Variants in EIF2B3 observed in about 807,000 individuals in gnomAD.
EIF2B3 encodes the protein translation initiation factor eIF2B subunit gamma.
Under a neutral mutation model 54.1 loss-of-function variants are expected in EIF2B3, and 20 were observed. The observed-to-expected ratio is 0.37, with a 90% CI of 0.26 to 0.54. The LOEUF is 0.54. EIF2B3 is among the 20% of genes least tolerant of loss of function. The probability of loss-of-function intolerance (pLI) is 0.86; values close to 1 mark genes in which losing one functional copy is unlikely to be tolerated. For missense variants in EIF2B3, 448 were observed against 547.8 expected (o/e 0.82, Z 1.82); for synonymous variants, 153 against 188.1 (o/e 0.81, Z 1.52).
chr1:44,947,698 C>T (rs1440200345), intron 3 of EIF2B3, among the ~76,000 whole-genome samples: 2 of 152,084 alleles, frequency 1.3e-5, no homozygotes, highest in African/African-American at 4.8e-5. Flanking sequence ...CTCTACTCAC[C>T]CAGTGCTTCC....
chr1:44,961,252 GGCTGCAGTGA>G (rs1553179456), intron 3 of EIF2B3, among the ~76,000 whole-genome samples: 1 of 150,426 alleles, frequency 6.6e-6, no homozygotes, highest in Non-Finnish European at 1.5e-5. Context: ...AGGAAGACGA[GGCTGCAGTGA>G]GCCATGATCA....
At chr1:44,910,387 A>T (rs1643487712) in intron 5 of EIF2B3, among the ~76,000 whole-genome samples, 1 of 152,174 alleles carries the variant, frequency 6.6e-6, no homozygotes, top group South Asian at 2.1e-4. Flanking sequence ...CTACCAGAAC[A>T]TTCTTTCCTA....
intron 3 of EIF2B3, among the ~76,000 whole-genome samples, chr1:44,976,389 C>T (rs1190485944): frequency 6.6e-6 from 1 of 152,164 alleles, no homozygotes; most frequent in Non-Finnish European, 1.5e-5. Flanking sequence ...ATTAAAACCA[C>T]AATGAGATAC....
intron 11 of EIF2B3, among the ~76,000 whole-genome samples, chr1:44,855,534 G>GTTATGAGAC (rs1654407134): frequency 6.6e-6 from 1 of 151,694 alleles, no homozygotes; most frequent in South Asian, 2.1e-4. Context: ...GATGCATATA[G>GTTATGAGAC]TTATGAGACA....
At chr1:44,883,765 T>C (rs973985363) in intron 6 of EIF2B3, among the ~76,000 whole-genome samples, 2 of 152,246 alleles carry the variant, frequency 1.3e-5, no homozygotes, top group African/African-American at 4.8e-5. Flanking sequence ...AAATCGTCTC[T>C]ATCTCGGCAG....
intron 5 of EIF2B3, among the ~76,000 whole-genome samples, chr1:44,900,987 G>A (rs570576307): frequency 3.3e-5 from 5 of 152,184 alleles, no homozygotes; most frequent in African/African-American, 1.2e-4. Flanking sequence ...CTCAGAGACA[G>A]GGTTTCGCTC....
intron 4 of EIF2B3, among the ~76,000 whole-genome samples, chr1:44,938,232 A>G (rs1643978722): frequency 6.6e-6 from 1 of 152,214 alleles, no homozygotes; most frequent in Non-Finnish European, 1.5e-5. Flanking sequence ...TCTTTAAAAA[A>G]TGCTTATGAT....
In EIF2B3 at chr1:44,850,960, C is replaced by T. The variant is rs1192795415; in HGVS notation, c.1350G>A (p.Met450Ile). ...CTGACTTGCTCAGAACTCAGATCTCCATGAGCTGGTCATTCCCCACGATCA... is the reference window on the plus strand; with the variant it reads ...CTGACTTGCTCAGAACTCAGATCTCTATGAGCTGGTCATTCCCCACGATCA... ...NEVIVGNDQL[M>I]EI Residue 450 changes from methionine to isoleucine, a missense_variant, in exon 12 of 12, where the codon ATG becomes ATA. Coordinates refer to ENST00000360403, the MANE Select transcript of EIF2B3 (RefSeq NM_020365.5). 1 of 1,614,136 alleles carries T rather than the reference C, an allele frequency of 6.2e-7. No individual in the cohort carries two copies.
intron 10 of EIF2B3, among the ~76,000 whole-genome samples, chr1:44,872,474 C>T (rs1654996701): frequency 6.6e-6 from 1 of 151,962 alleles, no homozygotes; most frequent in Admixed American, 6.6e-5. Flanking sequence ...AGTAAAATCC[C>T]CATCTCTATA....
chr1:44,943,368 CTATCTATATCTATATCTATATCTA>C (rs59247483), intron 3 of EIF2B3, among the ~76,000 whole-genome samples: 10 of 144,554 alleles, frequency 6.9e-5, no homozygotes, highest in African/African-American at 2.3e-4. Flanking sequence ...GCAGGAAGAA[CTATCTATATCTATATCTATATCTA>C]TATCTATATC....
intron 8 of EIF2B3, among the ~76,000 whole-genome samples, chr1:44,876,410 G>C (rs1655149589): frequency 7.1e-6 from 1 of 140,092 alleles, no homozygotes; most frequent in African/African-American, 2.7e-5. Flanking sequence ...CTGTCTGGGA[G>C]GTGAGGAGCG....
chr1:44,917,494 C>G (rs1003273556), intron 5 of EIF2B3, among the ~76,000 whole-genome samples: 4 of 76,808 alleles, frequency 5.2e-5, no homozygotes, highest in Admixed American at 2.9e-4. Flanking sequence ...AACTCCATCT[C>G]AAAAAAAAAA....
intron 4 of EIF2B3, among the ~76,000 whole-genome samples, chr1:44,934,453 T>A (rs1442708999): frequency 6.6e-6 from 1 of 152,060 alleles, no homozygotes; most frequent in Non-Finnish European, 1.5e-5. Flanking sequence ...GAATTTCAAG[T>A]CACTTTATTT....
chr1:44,871,555 G>C (rs1654966317), intron 10 of EIF2B3, among the ~76,000 whole-genome samples: 1 of 152,158 alleles, frequency 6.6e-6, no homozygotes, highest in Non-Finnish European at 1.5e-5. Flanking sequence ...TTCTGGTCAT[G>C]GTGAATTGTT....
chr1:44,916,417 A>G (rs1272409156), intron 5 of EIF2B3, among the ~76,000 whole-genome samples: 1 of 150,354 alleles, frequency 6.7e-6, no homozygotes, highest in African/African-American at 2.4e-5. Flanking sequence ...TTATAGAGAC[A>G]AGATCTCACC....
chr1:44,982,825 C>T (rs1184245684), intron 1 of EIF2B3, among the ~76,000 whole-genome samples: 2 of 150,674 alleles, frequency 1.3e-5, no homozygotes, highest in Non-Finnish European at 3.0e-5. Flanking sequence ...TGCAGTGGCA[C>T]GATCTCAGCT....
intron 3 of EIF2B3, among the ~76,000 whole-genome samples, chr1:44,960,019 T>C (rs1377850931): frequency 6.6e-6 from 1 of 152,366 alleles, no homozygotes; most frequent in African/African-American, 2.4e-5. Context: ...TGGTGGGTGA[T>C]ATGTGGCTTG....
At chr1:44,930,733 C>T (rs1481369797) in intron 4 of EIF2B3, among the ~76,000 whole-genome samples, 6 of 152,164 alleles carry the variant, frequency 3.9e-5, no homozygotes, top group African/African-American at 1.2e-4. Flanking sequence ...CTCCGCCTCT[C>T]GGGTTCAAGC....
At chr1:44,939,371 T>G (rs912238184) in intron 4 of EIF2B3, among the ~76,000 whole-genome samples, 2 of 152,152 alleles carry the variant, frequency 1.3e-5, no homozygotes, top group African/African-American at 4.8e-5. Flanking sequence ...GGACTTCCAT[T>G]GGCCAAACTG....
Sources: allele counts gnomAD v4.1 joint callset (sites outside exome capture counted in the v4.1 genomes callset), GRCh38; gene constraint gnomAD v4.1.1; transcripts MANE v1.5; gene names NCBI Gene and HGNC (gene_info 2026-07-23, HGNC 2026-07-21).